The following SHANK2 variants were observed in gnomAD, a reference collection of about 807,000 sequenced individuals.
SHANK2 encodes SH3 and multiple ankyrin repeat domains 2.
Under a neutral mutation model 133.7 loss-of-function variants are expected in SHANK2, and 43 were observed. The ratio of observed to expected loss-of-function variants is 0.32; its 90% CI spans 0.25 to 0.41. The LOEUF is 0.41. SHANK2 is among the 10% of genes least tolerant of loss of function. The probability of loss-of-function intolerance (pLI) is 1.00; values close to 1 mark genes in which losing one functional copy is unlikely to be tolerated. For missense variants in SHANK2, 1,994 were observed against 2,235.8 expected, an observed-to-expected ratio of 0.89 and a Z score of 2.18; for synonymous variants, 1,017 against 952.8, an observed-to-expected ratio of 1.07 and a Z score of -1.24.
chr11:71,218,615 C>T (rs782500316), intron 2 of SHANK2, among the ~76,000 whole-genome samples: 22 of 152,058 alleles, frequency 1.4e-4, no homozygotes, highest in Non-Finnish European at 2.8e-4. Flanking sequence ...AGCGTGAGGG[C>T]AGGGTATGGA....
At chr11:70,658,252 C>G (rs201070444) in intron 17 of SHANK2, among the ~76,000 whole-genome samples, 2 of 121,884 alleles carry the variant, frequency 1.6e-5, no homozygotes, top group African/African-American at 4.5e-5. Flanking sequence ...CACAGACACA[C>G]ACACACACAC....
intron 11 of SHANK2, among the ~76,000 whole-genome samples, chr11:70,850,903 C>T (rs1230205015): frequency 6.6e-6 from 1 of 152,184 alleles, no homozygotes; most frequent in Non-Finnish European, 1.5e-5. Context: ...ACCCCTTCGC[C>T]CTCCAAGCCA....
chr11:70,910,890 T>C, intron 10 of SHANK2: 3 of 436,862 alleles, frequency 6.9e-6, no homozygotes, highest in South Asian at 4.8e-5. Context: ...TACATGTTGC[T>C]TGGTGGTGCG....
rs3064243 is a variant in SHANK2, at chr11:70,876,243, GAC to G, written c.1174+20256_1174+20257del. ...TACATAATACACACACACACATATA[GAC>G]ACACACACACACACACACACACACA... On this transcript the variant is annotated intron_variant, in intron 11 of 25. Transcript: ENST00000601538. Among the ~76,000 whole-genome samples, 1,022 of 134,904 alleles carry G rather than the reference GAC, an allele frequency of 7.6e-3. 6 individuals carry two copies. Among genetic ancestry groups the G allele is most frequent in the African/African-American group, 0.026 (931 of 35,246 alleles). The allele number at this position is 134,904 out of a possible 152,430, so 88.5% of individuals were successfully genotyped here.
At chr11:70,818,417 C>T (rs1166759954) in intron 12 of SHANK2, among the ~76,000 whole-genome samples, 2 of 152,210 alleles carry the variant, frequency 1.3e-5, no homozygotes, top group Non-Finnish European at 2.9e-5. Context: ...CACCCGGCTG[C>T]TTCTCTCTTT....
intron 14 of SHANK2, among the ~76,000 whole-genome samples, chr11:70,713,131 C>A (rs1158634130): frequency 2.0e-5 from 3 of 152,224 alleles, no homozygotes; most frequent in African/African-American, 7.2e-5. Context: ...CCCTGTCGGG[C>A]ACGTGCCAGT....
chr11:71,226,660 CA>C (rs1954649516), intron 1 of SHANK2: 2 of 151,990 alleles, frequency 1.3e-5, no homozygotes, highest in Non-Finnish European at 2.9e-5. Context: ...TTTATACCAA[CA>C]AAAATATCCT....
chr11:70,928,608 G>C (rs189606729), intron 10 of SHANK2, among the ~76,000 whole-genome samples: 14 of 152,148 alleles, frequency 9.2e-5, no homozygotes, highest in Admixed American at 2.6e-4. Flanking sequence ...CAGATCCCTG[G>C]GGGGGAAGAG....
At chr11:70,481,647 A>G (rs142381600) in intron 25 of SHANK2, among the ~76,000 whole-genome samples, 4 of 152,324 alleles carry the variant, frequency 2.6e-5, no homozygotes, top group African/African-American at 4.8e-5. Context: ...CTGGTTTTCA[A>G]TTTTCCCTAG....
chr11:70,646,834 TTTATTTATTTATTTA>T (rs1565210667), intron 17 of SHANK2, among the ~76,000 whole-genome samples: 12 of 77,662 alleles, frequency 1.5e-4, no homozygotes, highest in East Asian at 7.4e-4. Context: ...ATTTATTTTA[TTTATTTATTTATTTA>T]TTTATTTATT....
At chr11:70,634,015 A>G (rs985531215) in intron 17 of SHANK2, 5 of 152,290 alleles carry the variant, frequency 3.3e-5, no homozygotes, top group African/African-American at 9.7e-5. Context: ...CCCTGTCCCT[A>G]TAACACGTTG....
chr11:71,214,498 T>C (rs1039400696), intron 2 of SHANK2, among the ~76,000 whole-genome samples: 5 of 152,198 alleles, frequency 3.3e-5, no homozygotes, highest in Non-Finnish European at 7.3e-5. Context: ...GCCATCAGCT[T>C]TGCTTGAGAA....
intron 14 of SHANK2, among the ~76,000 whole-genome samples, chr11:70,761,520 G>A (rs1245742477): frequency 2.6e-5 from 4 of 152,254 alleles, no homozygotes; most frequent in African/African-American, 9.6e-5. Flanking sequence ...GGTGAAGGGT[G>A]TCCAGTGAGT....
intron 21 of SHANK2, among the ~76,000 whole-genome samples, chr11:70,497,333 A>G (rs988481014): frequency 6.6e-6 from 1 of 152,350 alleles, no homozygotes; most frequent in South Asian, 2.1e-4. Context: ...TGCTTAATTT[A>G]TAAAAGCTCA....
At chr11:70,891,364 T>G (rs1328208795) in intron 11 of SHANK2, among the ~76,000 whole-genome samples, 1 of 150,956 alleles carries the variant, frequency 6.6e-6, no homozygotes, top group Non-Finnish European at 1.5e-5. Context: ...TAGCCGGGGG[T>G]GGTGGCGGGC....
At chr11:71,239,434 T>C (rs930959214) in intron 1 of SHANK2, among the ~76,000 whole-genome samples, 2 of 152,216 alleles carry the variant, frequency 1.3e-5, no homozygotes, top group Admixed American at 1.3e-4. Context: ...CAGGTCACTC[T>C]ATGTTATTAC....
chr11:70,930,480 A>C (rs1443310927), intron 10 of SHANK2, among the ~76,000 whole-genome samples: 4 of 152,064 alleles, frequency 2.6e-5, no homozygotes, highest in Non-Finnish European at 5.9e-5. Flanking sequence ...GTTAGTTATT[A>C]ATATTGTATT....
At position 70,519,905 on chromosome 11, in the gene SHANK2, ATTTTT is replaced by A. The variant is rs781977357; in HGVS notation, c.2062-16979_2062-16975del. Reference sequence around the variant, plus strand: ...CCACAGGCATGCACCACCATGCCTAATTTTTTTTTTTTTTTTTTTTTTTTTAAAGG... The same window carrying A: ...CCACAGGCATGCACCACCATGCCTAATTTTTTTTTTTTTTTTTTTTAAAGG... On this transcript the variant is annotated intron_variant, in intron 17 of 25. Coordinates refer to ENST00000601538, the MANE Select transcript of SHANK2 (RefSeq NM_012309.5). Among the ~76,000 whole-genome samples, 185 of 121,446 alleles carry A rather than the reference ATTTTT, an allele frequency of 1.5e-3. 1 individual carries two copies. The highest frequency in any genetic ancestry group is 4.1e-3 in the African/African-American group (133 of 32,278). 79.7% of individuals were successfully genotyped at this position (121,446 alleles called of 152,430 possible).
intron 14 of SHANK2, among the ~76,000 whole-genome samples, chr11:70,704,288 A>G (rs1555024438): frequency 1.3e-5 from 2 of 152,278 alleles, no homozygotes; most frequent in Non-Finnish European, 2.9e-5. Flanking sequence ...GTTGTTTACA[A>G]TGGAAAGAAC....
Sources: allele counts gnomAD v4.1 joint callset (sites outside exome capture counted in the v4.1 genomes callset), GRCh38; gene constraint gnomAD v4.1.1; transcripts MANE v1.5; gene names NCBI Gene and HGNC (gene_info 2026-07-23, HGNC 2026-07-21).